The following CALD1 variants were observed in gnomAD, a reference collection of about 807,000 sequenced individuals.
CALD1 encodes caldesmon 1.
Under a neutral mutation model 99.9 loss-of-function variants are expected in CALD1, and 33 were observed. The observed-to-expected ratio is 0.33, with a 90% CI of 0.25 to 0.44. The LOEUF (loss-of-function observed/expected upper bound fraction) is 0.44, where lower values mean the gene tolerates loss of function less well. Ranked by LOEUF, CALD1 falls within the 20% of genes least tolerant of loss-of-function variation. The pLI is 1.00. For synonymous variants in CALD1, 310 were observed against 325.0 expected, an observed-to-expected ratio of 0.95 and a Z score of 0.50; for missense variants, 861 against 962.1, an observed-to-expected ratio of 0.89 and a Z score of 1.39.
chr7:134,860,005 G>A (rs556031131), intron 2 of CALD1, among the ~76,000 whole-genome samples: 6 of 152,062 alleles, frequency 3.9e-5, no homozygotes, highest in African/African-American at 1.2e-4. Context: ...GAGATTGTGC[G>A]GGGAAGGCAA....
At chr7:134,714,575 T>C in the CALD1 span, among the ~76,000 whole-genome samples, 2 of 152,198 alleles carry the variant, frequency 1.3e-5, no homozygotes, top group African/African-American at 4.8e-5. Flanking sequence ...GAACTGGCAG[T>C]GGAAGAAAGC....
In CALD1 at chr7:134,968,519, G is replaced by A. The variant is rs1236010790; in HGVS notation, c.*174G>A. On this transcript the variant is annotated 3_prime_UTR_variant, in exon 15 of 15. Coordinates refer to ENST00000361675, the MANE Select transcript of CALD1 (RefSeq NM_033138.4). The stretch of plus-strand genomic sequence containing the variant: ...CACTATATTTAATAATCACAGTCTA[G>A]AGATGTTCATGGTAAAAGTACTGCC... 1 of 724,220 alleles carries A rather than the reference G, an allele frequency of 1.4e-6. No homozygotes were observed. The highest frequency in any genetic ancestry group is 2.5e-6 in the Non-Finnish European group (1 of 394,952). The allele number at this position is 724,220 out of a possible 1,614,324, so 44.9% of individuals were successfully genotyped here.
upstream of CALD1, among the ~76,000 whole-genome samples, chr7:134,777,391 T>G (rs1177019325): frequency 6.6e-6 from 1 of 152,228 alleles, no homozygotes. Flanking sequence ...CATACTATTT[T>G]TTTTATCAAA....
At position 134,928,969 on chromosome 7, in the gene CALD1, G is replaced by C. The variant is rs977450837; in HGVS notation, c.218+69G>C. ...GCCTGTCCGTTGAATGGAATTTGTT[G>C]AGCAGAGCATTCCTTTCTCAGCCCA... is the stretch of plus-strand genomic sequence containing the variant. On this transcript the variant is annotated intron_variant, in intron 4 of 14. Coordinates refer to ENST00000361675, the MANE Select transcript of CALD1 (RefSeq NM_033138.4). The C allele has an allele frequency of 4.4e-6, 6 of 1,353,812 alleles. No homozygotes were observed. In the African/African-American group the frequency reaches 8.8e-5, roughly 20 times the overall value. The allele number at this position is 1,353,812 out of a possible 1,614,324, so 83.9% of individuals were successfully genotyped here. A position where few individuals can be genotyped will look rare whatever the true frequency, so the allele number is the denominator to read the frequency against.
chr7:134,875,048 A>G (rs1460900111), intron 3 of CALD1, among the ~76,000 whole-genome samples: 1 of 152,218 alleles, frequency 6.6e-6, no homozygotes, highest in African/African-American at 2.4e-5. Context: ...TCAGAACATT[A>G]TTTTCCATTA....
chr7:134,795,788 G>C (rs1193418434), intron 1 of CALD1, among the ~76,000 whole-genome samples: 1 of 152,016 alleles, frequency 6.6e-6, no homozygotes, highest in Non-Finnish European at 1.5e-5. Context: ...TATGAAGATC[G>C]ATGGTAACAA....
Position 134,965,405 on chromosome 7 carries a change from T to G in CALD1, c.2376+19T>G, listed in dbSNP as rs1289804767. The G allele has an allele frequency of 8.2e-7, 1 of 1,225,200 alleles. No individual in the cohort carries two copies. The highest frequency in any genetic ancestry group is 1.2e-6 in the Non-Finnish European group (1 of 824,960). The allele number at this position is 1,225,200 out of a possible 1,614,324, so 75.9% of individuals were successfully genotyped here. ...CACTAAGGTAATCTATTGGGAAGAC[T>G]AGTATTTCAGAGGTTTGTTTTCCTG... On this transcript the variant is annotated intron_variant, in intron 14 of 14. Coordinates refer to ENST00000361675, the MANE Select transcript of CALD1 (RefSeq NM_033138.4).
the CALD1 span, among the ~76,000 whole-genome samples, chr7:134,730,889 A>G: frequency 6.6e-6 from 1 of 151,976 alleles, no homozygotes; most frequent in Non-Finnish European, 1.5e-5. Flanking sequence ...TCCTTCTCCT[A>G]GCTCCCACCT....
chr7:134,857,208 A>G (rs1403292805), intron 2 of CALD1, among the ~76,000 whole-genome samples: 5 of 117,748 alleles, frequency 4.2e-5, no homozygotes, highest in East Asian at 5.2e-4. Context: ...TCGCTCTGTC[A>G]CCCAGGCTGG....
At chr7:134,765,415 T>C (rs112475443) in intron 1 of CALD1, among the ~76,000 whole-genome samples, 7,446 of 152,272 alleles carry the variant, frequency 0.049, 595 homozygotes, top group African/African-American at 0.16. Context: ...ATGAGTTTTT[T>C]TTAAAACCCT....
At chr7:134,938,848 A>G (rs1169959047) in intron 6 of CALD1, among the ~76,000 whole-genome samples, 2 of 152,194 alleles carry the variant, frequency 1.3e-5, no homozygotes, top group Non-Finnish European at 2.9e-5. Context: ...TCTGTTAGAC[A>G]TGTATCATCT....
intron 1 of CALD1, among the ~76,000 whole-genome samples, chr7:134,744,694 T>TA (rs1292285324): frequency 6.6e-6 from 1 of 152,148 alleles, no homozygotes; most frequent in Non-Finnish European, 1.5e-5. Flanking sequence ...TCGGCTTGGT[T>TA]ACCATGATAA....
chr7:134,915,531 A>C (rs543416596), intron 3 of CALD1, among the ~76,000 whole-genome samples: 4 of 152,292 alleles, frequency 2.6e-5, no homozygotes, highest in African/African-American at 7.2e-5. Context: ...ATGAATTAGG[A>C]TGGAATTGCC....
upstream of CALD1, among the ~76,000 whole-genome samples, chr7:134,775,794 T>A (rs1278337392): frequency 6.6e-6 from 1 of 152,238 alleles, no homozygotes. Flanking sequence ...GGTTTTTCAT[T>A]CATGAAGATG....
At chr7:134,911,358 A>G (rs1471319932) in intron 3 of CALD1, among the ~76,000 whole-genome samples, 1 of 151,776 alleles carries the variant, frequency 6.6e-6, no homozygotes, top group Non-Finnish European at 1.5e-5. Flanking sequence ...TTTTAAAGCC[A>G]CTCACAAAAC....
intron 3 of CALD1, among the ~76,000 whole-genome samples, chr7:134,886,293 G>C (rs1801847456): frequency 6.6e-6 from 1 of 152,164 alleles, no homozygotes; most frequent in African/African-American, 2.4e-5. Flanking sequence ...ACTTCATAGA[G>C]GTAAGGCCTG....
chr7:134,714,553 G>T, the CALD1 span, among the ~76,000 whole-genome samples: 2 of 152,218 alleles, frequency 1.3e-5, no homozygotes, highest in South Asian at 2.1e-4. Flanking sequence ...GCTCAGGAAA[G>T]AATTCAAGAG....
chr7:134,818,688 A>G (rs1798653592), intron 1 of CALD1, among the ~76,000 whole-genome samples: 1 of 152,112 alleles, frequency 6.6e-6, no homozygotes, highest in African/African-American at 2.4e-5. Flanking sequence ...ACTGAATTTG[A>G]TGGGTCATAT....
Position 134,928,772 on chromosome 7 carries a change from T to C in CALD1, c.90T>C (p.Asn30=). 1 of 1,613,694 alleles carries C rather than the reference T, an allele frequency of 6.2e-7. No individual in the cohort carries two copies. The highest frequency in any genetic ancestry group is 8.5e-7 in the Non-Finnish European group (1 of 1,179,868). The change falls in exon 4 of 15, where the codon AAT becomes AAC. Residue 30 remains asparagine (N), a synonymous_variant. Transcript: ENST00000361675. ...GTTGCAGAATCGCCTACCAGAGGAA[T>C]GACGATGATGAAGAGGAGGCAGCCC... ...LEAERIAYQR[N]DDDEEEAARE... is the part of the protein sequence containing the mutation.
Sources: gnomAD v4.1 joint callset for allele counts (sites outside exome capture counted in the v4.1 genomes callset) on GRCh38, gnomAD v4.1.1 for gene constraint, MANE v1.5 for transcripts, NCBI Gene and HGNC (gene_info 2026-07-23, HGNC 2026-07-21) for gene names.